The following PTPRD variants were observed in gnomAD, a reference collection of about 807,000 sequenced individuals.
PTPRD encodes protein tyrosine phosphatase receptor type D, also known as receptor-type tyrosine-protein phosphatase delta.
Under a neutral mutation model 214.5 loss-of-function variants are expected in PTPRD, and 34 were observed. The ratio of observed to expected loss-of-function variants is 0.16; its 90% CI spans 0.12 to 0.21. The LOEUF (loss-of-function observed/expected upper bound fraction) is 0.21. Ranked by LOEUF, PTPRD falls within the 10% of genes least tolerant of loss-of-function variation. The pLI is 1.00. For missense variants in PTPRD, 2,545 were observed against 2,398.7 expected, an observed-to-expected ratio of 1.06 and a Z score of -1.27; for synonymous variants, 1,128 against 845.7, an observed-to-expected ratio of 1.33 and a Z score of -5.79.
At position 8,934,317 on chromosome 9, in the gene PTPRD, CTGCAGACACCAGG is replaced by C. The variant is rs1241037790; in HGVS notation, c.-104+84367_-104+84379del. Among the ~76,000 whole-genome samples, 9 of 147,534 alleles carry C rather than the reference CTGCAGACACCAGG, an allele frequency of 6.1e-5. No individual in the cohort carries two copies. The East Asian group carries it at 1.8e-3, about 30-fold the overall frequency. ...CAACTTGAACTACCGAAATCAAGCC[CTGCAGACACCAGG>C]TGTAGCTGGTACCTACATTCCCCTT... On this transcript the variant is annotated intron_variant, in intron 11 of 45. Coordinates refer to ENST00000381196, the MANE Select transcript of PTPRD (RefSeq NM_002839.4).
At chr9:9,229,057 G>A (rs2099961393) in intron 9 of PTPRD, among the ~76,000 whole-genome samples, 1 of 152,056 alleles carries the variant, frequency 6.6e-6, no homozygotes, top group Non-Finnish European at 1.5e-5. Flanking sequence ...GGCTAGAAGT[G>A]AAAAGTTTGT....
intron 3 of PTPRD, among the ~76,000 whole-genome samples, chr9:10,290,079 G>A (rs1322861634): frequency 1.3e-5 from 2 of 152,178 alleles, no homozygotes; most frequent in Admixed American, 1.3e-4. Flanking sequence ...ATACATTACT[G>A]AAATTTTAAT....
At chr9:9,124,117 C>G (rs929609428) in intron 10 of PTPRD, among the ~76,000 whole-genome samples, 11 of 152,080 alleles carry the variant, frequency 7.2e-5, no homozygotes, top group African/African-American at 2.7e-4. Flanking sequence ...ATCTACATAT[C>G]TGTGTAAGGA....
At chr9:9,830,045 T>A (rs1056030601) in intron 5 of PTPRD, among the ~76,000 whole-genome samples, 1 of 151,774 alleles carries the variant, frequency 6.6e-6, no homozygotes, top group Non-Finnish European at 1.5e-5. Flanking sequence ...CCTCAGCAAG[T>A]TTTCCTAAAC....
At chr9:9,856,672 G>C (rs557191486) in intron 5 of PTPRD, among the ~76,000 whole-genome samples, 2 of 152,128 alleles carry the variant, frequency 1.3e-5, no homozygotes, top group African/African-American at 4.8e-5. Context: ...ACCTTTGGTG[G>C]GAATTTGTTA....
intron 33 of PTPRD, among the ~76,000 whole-genome samples, chr9:8,455,776 T>G (rs1331308445): frequency 6.6e-6 from 1 of 152,210 alleles, no homozygotes; most frequent in Non-Finnish European, 1.5e-5. Flanking sequence ...ATTTGCTCAC[T>G]TTTTAAAATC....
At chr9:9,880,098 G>A (rs2153735162) in intron 5 of PTPRD, among the ~76,000 whole-genome samples, 1 of 152,240 alleles carries the variant, frequency 6.6e-6, no homozygotes, top group East Asian at 1.9e-4. Context: ...GGATCATGGG[G>A]GCAGTTCCCT....
chr9:9,824,223 G>A (rs1372785720), intron 5 of PTPRD, among the ~76,000 whole-genome samples: 4 of 151,656 alleles, frequency 2.6e-5, no homozygotes, highest in Non-Finnish European at 5.9e-5. Flanking sequence ...TCTCAAGCCA[G>A]GAATTTTGGA....
intron 36 of PTPRD, among the ~76,000 whole-genome samples, chr9:8,401,640 C>T (rs1207856423): frequency 6.6e-6 from 1 of 152,106 alleles, no homozygotes; most frequent in Non-Finnish European, 1.5e-5. Flanking sequence ...TTACTGCCCA[C>T]ACACAATTCC....
chr9:8,377,225 CT>C (rs202233705), intron 37 of PTPRD, among the ~76,000 whole-genome samples: 9 of 151,122 alleles, frequency 6.0e-5, no homozygotes, highest in Non-Finnish European at 8.9e-5. Context: ...TAAGCATGTG[CT>C]TTTTTTTTGA....
intron 10 of PTPRD, among the ~76,000 whole-genome samples, chr9:9,023,907 C>T (rs920180069): frequency 6.6e-6 from 1 of 151,856 alleles, no homozygotes; most frequent in African/African-American, 2.4e-5. Flanking sequence ...TGTGATATTG[C>T]ACAGCTTTCT....
chr9:8,839,306 T>C (rs2097508629), intron 11 of PTPRD, among the ~76,000 whole-genome samples: 1 of 148,458 alleles, frequency 6.7e-6, no homozygotes, highest in South Asian at 2.1e-4. Context: ...GGGATTTTAT[T>C]TATTTATTTA....
At chr9:9,702,941 G>A (rs1249102797) in intron 7 of PTPRD, among the ~76,000 whole-genome samples, 1 of 152,122 alleles carries the variant, frequency 6.6e-6, no homozygotes, top group Non-Finnish European at 1.5e-5. Flanking sequence ...TATGAGTCTA[G>A]ATCCAGAAAG....
At chr9:10,024,439 T>C (rs919644597) in intron 4 of PTPRD, among the ~76,000 whole-genome samples, 2 of 152,126 alleles carry the variant, frequency 1.3e-5, no homozygotes, top group Non-Finnish European at 2.9e-5. Context: ...CTCAACACTT[T>C]TATAGTAATT....
At chr9:9,607,459 G>C (rs749851516) in intron 7 of PTPRD, among the ~76,000 whole-genome samples, 2 of 152,160 alleles carry the variant, frequency 1.3e-5, no homozygotes, top group Non-Finnish European at 2.9e-5. Flanking sequence ...TACAAATAAG[G>C]AAACTAGCTG....
intron 3 of PTPRD, among the ~76,000 whole-genome samples, chr9:10,115,544 A>G (rs532451080): frequency 6.2e-4 from 94 of 152,240 alleles, no homozygotes; most frequent in African/African-American, 2.1e-3. Flanking sequence ...GCCATGTTTT[A>G]ATGTCCAGAA....
intron 5 of PTPRD, among the ~76,000 whole-genome samples, chr9:9,795,165 A>C (rs536834179): frequency 2.0e-5 from 3 of 152,192 alleles, no homozygotes; most frequent in Non-Finnish European, 4.4e-5. Flanking sequence ...TTGTCTTCCA[A>C]TCTGTCACAC....
chr9:9,973,301 CAAAAA>C (rs747369676), intron 4 of PTPRD, among the ~76,000 whole-genome samples: 2 of 74,200 alleles, frequency 2.7e-5, no homozygotes, highest in Non-Finnish European at 6.0e-5. Flanking sequence ...CCTTGTCTTT[CAAAAA>C]AAAAAAAAAA....
intron 10 of PTPRD, among the ~76,000 whole-genome samples, chr9:9,028,031 G>A (rs1385657805): frequency 6.6e-6 from 1 of 151,856 alleles, no homozygotes; most frequent in East Asian, 1.9e-4. Flanking sequence ...CCTTGTGTAA[G>A]TAAACATATA....
Sources: allele counts gnomAD v4.1 joint callset (sites outside exome capture counted in the v4.1 genomes callset), GRCh38; gene constraint gnomAD v4.1.1; transcripts MANE v1.5; gene names NCBI Gene and HGNC (gene_info 2026-07-23, HGNC 2026-07-21).